The following SPOCK3 variants were observed in gnomAD, a reference collection of about 807,000 sequenced individuals.
SPOCK3 encodes the protein SPARC (osteonectin), cwcv and kazal like domains proteoglycan 3.
Under a neutral mutation model 56.6 loss-of-function variants are expected in SPOCK3, and 30 were observed. That is an observed-to-expected ratio of 0.53 (90% CI 0.40 to 0.72). The LOEUF is 0.72. Ranked by LOEUF, SPOCK3 falls within the 30% of genes least tolerant of loss-of-function variation. SPOCK3 has a pLI of 0.00. For synonymous variants in SPOCK3, 196 were observed against 183.3 expected (o/e 1.07, Z -0.56); for missense variants, 527 against 530.0 (o/e 0.99, Z 0.06).
At chr4:167,128,256 C>T (rs912383049) in intron 2 of SPOCK3, among the ~76,000 whole-genome samples, 2 of 152,194 alleles carry the variant, frequency 1.3e-5, no homozygotes, top group Non-Finnish European at 2.9e-5. Flanking sequence ...CACCTTGCTT[C>T]TACCAAGACC....
chr4:167,194,588 A>G (rs1408923708), intron 2 of SPOCK3, among the ~76,000 whole-genome samples: 2 of 152,172 alleles, frequency 1.3e-5, no homozygotes, highest in Non-Finnish European at 2.9e-5. Context: ...TCAGCAGGTA[A>G]AGACCTTTTC....
At chr4:167,135,696 T>TAA (rs1763061549) in intron 2 of SPOCK3, among the ~76,000 whole-genome samples, 4 of 151,560 alleles carry the variant, frequency 2.6e-5, no homozygotes, top group African/African-American at 9.7e-5. Context: ...TGTGTGTGTG[T>TAA]GTGTGTGTGT....
chr4:166,871,108 T>C (rs1248726735), intron 6 of SPOCK3, among the ~76,000 whole-genome samples: 1 of 152,032 alleles, frequency 6.6e-6, no homozygotes, highest in Admixed American at 6.6e-5. Flanking sequence ...GGCATTTCTT[T>C]ATAGCAGTGT....
intron 10 of SPOCK3, 108 bp from the exon 11 acceptor site, chr4:166,735,198 T>C: frequency 1.5e-6 from 1 of 688,730 alleles, no homozygotes; most frequent in East Asian, 3.1e-5. Context: ...AAGTAATTTG[T>C]TTTCTATCTT....
intron 2 of SPOCK3, among the ~76,000 whole-genome samples, chr4:167,141,089 G>A (rs1435837884): frequency 2.6e-5 from 4 of 151,928 alleles, no homozygotes; most frequent in Non-Finnish European, 5.9e-5. Context: ...AAGCTCTATG[G>A]AAAACAGTTT....
chr4:167,179,002 GTTAT>G (rs971721151), intron 2 of SPOCK3, among the ~76,000 whole-genome samples: 1 of 152,104 alleles, frequency 6.6e-6, no homozygotes, highest in Non-Finnish European at 1.5e-5. Context: ...TTTGCAAGCA[GTTAT>G]TTCTTTTCCA....
intron 2 of SPOCK3, among the ~76,000 whole-genome samples, chr4:167,133,424 CATA>C (rs1400033207): frequency 6.6e-6 from 1 of 152,142 alleles, no homozygotes; most frequent in Non-Finnish European, 1.5e-5. Context: ...GGAACTGTAA[CATA>C]ATAAATTTGT....
intron 9 of SPOCK3, among the ~76,000 whole-genome samples, chr4:166,739,187 T>C (rs1202643580): frequency 6.6e-6 from 1 of 152,180 alleles, no homozygotes; most frequent in Non-Finnish European, 1.5e-5. Context: ...TGGTATCTCA[T>C]TGTGGTTTTG....
chr4:166,845,656 T>C (rs1747983360), intron 6 of SPOCK3, among the ~76,000 whole-genome samples: 1 of 152,186 alleles, frequency 6.6e-6, no homozygotes, highest in African/African-American at 2.4e-5. Flanking sequence ...ACATCTCTTT[T>C]GTAATTACCA....
chr4:167,091,955 T>C (rs1758737569), intron 2 of SPOCK3, among the ~76,000 whole-genome samples: 1 of 152,166 alleles, frequency 6.6e-6, no homozygotes, highest in Non-Finnish European at 1.5e-5. Flanking sequence ...TCCTGCTGCC[T>C]TGTGAAAATA....
chr4:166,887,361 C>CTAT (rs1328471435), intron 6 of SPOCK3, among the ~76,000 whole-genome samples: 1 of 152,118 alleles, frequency 6.6e-6, no homozygotes, highest in East Asian at 1.9e-4. Context: ...AAATGTTGTT[C>CTAT]TTAATAGCCT....
intron 6 of SPOCK3, among the ~76,000 whole-genome samples, chr4:166,875,669 G>A (rs1732999266): frequency 6.6e-6 from 1 of 152,152 alleles, no homozygotes; most frequent in Non-Finnish European, 1.5e-5. Flanking sequence ...TTAAATTAGA[G>A]TAATTATGGA....
chr4:167,115,326 A>G (rs1368877672), intron 2 of SPOCK3, among the ~76,000 whole-genome samples: 3 of 152,048 alleles, frequency 2.0e-5, no homozygotes. Context: ...AGAAAAAAAA[A>G]AAAAATGACA....
chr4:167,001,396 G>T (rs774122963), intron 3 of SPOCK3, among the ~76,000 whole-genome samples: 1 of 152,072 alleles, frequency 6.6e-6, no homozygotes, highest in African/African-American at 2.4e-5. Flanking sequence ...GTGGTGCTTT[G>T]TGACTAGCTT....
intron 2 of SPOCK3, among the ~76,000 whole-genome samples, chr4:167,088,138 C>A: frequency 6.6e-6 from 1 of 152,032 alleles, no homozygotes; most frequent in Middle Eastern, 3.2e-3. Context: ...ATTCTAGATG[C>A]ATAGGAGAAA....
chr4:166,746,658 G>A lies in SPOCK3; in HGVS notation c.932-4599C>T, dbSNP rs570408854. On this transcript the variant is annotated intron_variant, in intron 8 of 10. Coordinates refer to ENST00000357545, the MANE Select transcript of SPOCK3 (RefSeq NM_001040159.2). ...TCAGAGAAGAACTGAAGGAGATAAA[G>A]ACACAAAATCCCTTCAAAAAATCAA... Among the ~76,000 whole-genome samples, 3 of 152,112 alleles carry A rather than the reference G, an allele frequency of 2.0e-5. No individual in the cohort carries two copies. In the East Asian group the frequency reaches 5.8e-4, roughly 29 times the overall value.
rs1325431000 is a variant in SPOCK3, at chr4:167,136,378, T to G, written c.190-73841A>C. Among the ~76,000 whole-genome samples, 7 of 152,198 alleles carry G rather than the reference T, an allele frequency of 4.6e-5. No individual in the cohort carries two copies. The South Asian group carries it at 1.4e-3, about 32-fold the overall frequency. ...TGAAATTTTTTCTTAATACCTTTTT[T>G]TGGGCTGTGTACAACAATAACATAT... is the stretch of plus-strand genomic sequence containing the variant. On this transcript the variant is annotated intron_variant, in intron 2 of 10. Transcript: ENST00000357545.
intron 3 of SPOCK3, among the ~76,000 whole-genome samples, chr4:167,029,299 T>A (rs979976014): frequency 6.6e-6 from 1 of 150,966 alleles, no homozygotes; most frequent in African/African-American, 2.5e-5. Context: ...TTTGGGCTTA[T>A]AAAATTAGTC....
intron 5 of SPOCK3, among the ~76,000 whole-genome samples, chr4:166,905,134 A>G (rs2127070868): frequency 6.6e-6 from 1 of 152,146 alleles, no homozygotes; most frequent in Non-Finnish European, 1.5e-5. Flanking sequence ...AATATTTAGG[A>G]TATTAACTGA....
Sources: allele counts gnomAD v4.1 joint callset (sites outside exome capture counted in the v4.1 genomes callset), GRCh38; gene constraint gnomAD v4.1.1; transcripts MANE v1.5; gene names NCBI Gene and HGNC (gene_info 2026-07-23, HGNC 2026-07-21).